The following KANK1 variants were observed in gnomAD, a reference collection of about 807,000 sequenced individuals.
KANK1 encodes KN motif and ankyrin repeat domain-containing protein 1.
KANK1 carries 109 observed loss-of-function variants against 106.2 expected under a neutral mutation model. The ratio of observed to expected loss-of-function variants is 1.03; its 90% CI spans 0.88 to 1.20. The LOEUF (loss-of-function observed/expected upper bound fraction) is 1.20, where lower values mean the gene tolerates loss of function less well. Ranked by LOEUF, KANK1 falls within the 50% of genes most tolerant of loss-of-function variation. The pLI, the probability that KANK1 is intolerant of heterozygous loss-of-function variation, is 0.00. For synonymous variants in KANK1, 873 were observed against 652.2 expected (o/e 1.34, Z -5.16); for missense variants, 2,399 against 1,710.7 (o/e 1.40, Z -7.10).
At chr9:489,749 C>G (rs770777022) in intron 3 of KANK1, among the ~76,000 whole-genome samples, 10 of 152,178 alleles carry the variant, frequency 6.6e-5, no homozygotes, top group Non-Finnish European at 1.5e-4. Context: ...TATTTTTTAT[C>G]TGCTCCACGG....
chr9:475,981 T>C (rs1469656635), intron 3 of KANK1, among the ~76,000 whole-genome samples: 1 of 151,532 alleles, frequency 6.6e-6, no homozygotes, highest in Non-Finnish European at 1.5e-5. Flanking sequence ...GCCTCCCGAG[T>C]AGCTGGGATT....
At chr9:506,527 G>T (rs1320664059) in intron 1 of KANK1, among the ~76,000 whole-genome samples, 2 of 149,648 alleles carry the variant, frequency 1.3e-5, no homozygotes, top group Non-Finnish European at 1.5e-5. Context: ...GTGAGTTCTG[G>T]GTGTGTGTGT....
chr9:548,202 AC>A (rs2061049704), intron 1 of KANK1, among the ~76,000 whole-genome samples: 1 of 152,188 alleles, frequency 6.6e-6, no homozygotes, highest in Non-Finnish European at 1.5e-5. Flanking sequence ...TAATTCTTAA[AC>A]CTTAGTATCA....
intron 1 of KANK1, among the ~76,000 whole-genome samples, chr9:668,410 C>G (rs989294161): frequency 1.3e-5 from 2 of 152,074 alleles, no homozygotes; most frequent in Non-Finnish European, 2.9e-5. Flanking sequence ...GAATTTCAGT[C>G]CATCAAATGT....
chr9:558,391 T>A (rs1386456860), intron 1 of KANK1, among the ~76,000 whole-genome samples: 1 of 152,222 alleles, frequency 6.6e-6, no homozygotes, highest in African/African-American at 2.4e-5. Flanking sequence ...AATACAGAGT[T>A]AGATTCCTGT....
chr9:483,714 G>C (rs2058245599), intron 3 of KANK1, among the ~76,000 whole-genome samples: 1 of 152,194 alleles, frequency 6.6e-6, no homozygotes, highest in African/African-American at 2.4e-5. Context: ...GGTTATATGA[G>C]AAAATGTATT....
chr9:561,443 A>G (rs184267579), intron 1 of KANK1, among the ~76,000 whole-genome samples: 1 of 152,302 alleles, frequency 6.6e-6, no homozygotes. Context: ...TACTTTGGTC[A>G]TTTCCAATTT....
chr9:591,302 A>T (rs981614053), intron 1 of KANK1, among the ~76,000 whole-genome samples: 2 of 151,810 alleles, frequency 1.3e-5, no homozygotes, highest in African/African-American at 2.4e-5. Context: ...TATGGTTTCC[A>T]TATAGGCTAA....
rs146324719 is a variant in KANK1, at chr9:686,469, T to A, written c.37+9460T>A. Among the ~76,000 whole-genome samples the A allele has an allele frequency of 2.6e-5, 4 of 152,290 alleles. No homozygotes were observed. In the East Asian group the frequency reaches 5.8e-4, roughly 22 times the overall value. ...CTCTTCAAGTGGTGAATCAGCCTGA[T>A]GATACACTGATTTTTAGAACACGCT... On this transcript the variant is annotated intron_variant, in intron 2 of 11. Coordinates refer to ENST00000382297, the MANE Select transcript of KANK1 (RefSeq NM_015158.5).
intron 6 of KANK1, 80 bp downstream of exon 6, chr9:732,697 T>G: frequency 1.1e-5 from 17 of 1,495,316 alleles, no homozygotes; most frequent in Non-Finnish European, 1.6e-5. Flanking sequence ...GTTCAGAGCT[T>G]TTGTAATTAA....
intron 1 of KANK1, among the ~76,000 whole-genome samples, chr9:638,675 G>C (rs561162325): frequency 6.6e-6 from 1 of 152,172 alleles, no homozygotes; most frequent in African/African-American, 2.4e-5. Flanking sequence ...TGAGATAGAT[G>C]GACTTTGTTG....
In KANK1 at chr9:498,050, C is replaced by T. The variant is rs190093014; in HGVS notation, c.-362+24777C>T. Among the ~76,000 whole-genome samples, 282 of 152,196 alleles carry T rather than the reference C, an allele frequency of 1.9e-3. 1 individual carries two copies. The highest frequency in any genetic ancestry group is 5.5e-3 in the African/African-American group (229 of 41,510). ...AGGCCCTGATGGGAAACTCAGGGCACGAGATTTCTACCTGCAGCATACCCA... is the reference window on the plus strand; with the variant it reads ...AGGCCCTGATGGGAAACTCAGGGCATGAGATTTCTACCTGCAGCATACCCA... On this transcript the variant is annotated intron_variant, in intron 3 of 15. Coordinates refer to the KANK1 transcript ENST00000382303.
intron 1 of KANK1, among the ~76,000 whole-genome samples, chr9:646,635 C>G (rs1403516347): frequency 1.3e-5 from 2 of 149,902 alleles, no homozygotes; most frequent in Admixed American, 6.6e-5. Flanking sequence ...TAACAATGTC[C>G]CTAGAAACTG....
chr9:557,020 C>CT (rs1281738335), intron 1 of KANK1, among the ~76,000 whole-genome samples: 1 of 151,936 alleles, frequency 6.6e-6, no homozygotes, highest in Non-Finnish European at 1.5e-5. Flanking sequence ...GGTAGTTACT[C>CT]TAAAAACAAA....
chr9:661,610 C>T (rs568465200), intron 1 of KANK1, among the ~76,000 whole-genome samples: 27 of 152,028 alleles, frequency 1.8e-4, no homozygotes, highest in Middle Eastern at 3.4e-3. Context: ...TTTATAGCAG[C>T]ATGATTTATA....
intron 1 of KANK1, among the ~76,000 whole-genome samples, chr9:608,897 A>G (rs1442589353): frequency 6.6e-6 from 1 of 152,206 alleles, no homozygotes. Context: ...ATGCATTCAT[A>G]CACATTGCTT....
intron 1 of KANK1, among the ~76,000 whole-genome samples, chr9:639,389 G>C (rs947706048): frequency 3.3e-5 from 5 of 151,988 alleles, no homozygotes; most frequent in South Asian, 2.1e-4. Flanking sequence ...GCAGTGGCAC[G>C]ATCTGCAACC....
intron 1 of KANK1, chr9:660,139 TG>T: frequency 5.7e-6 from 2 of 350,656 alleles, no homozygotes; most frequent in Non-Finnish European, 1.2e-5. Flanking sequence ...AAGGGACTGC[TG>T]ATGATTATGA....
At chr9:543,100 A>G (rs751250455) in intron 1 of KANK1, among the ~76,000 whole-genome samples, 16 of 152,222 alleles carry the variant, frequency 1.1e-4, no homozygotes, top group Non-Finnish European at 7.3e-5. Flanking sequence ...GTCTATGTAC[A>G]TCAAACCATG....
Sources: gnomAD v4.1 joint callset for allele counts (sites outside exome capture counted in the v4.1 genomes callset) on GRCh38, gnomAD v4.1.1 for gene constraint, MANE v1.5 for transcripts, NCBI Gene and HGNC (gene_info 2026-07-23, HGNC 2026-07-21) for gene names.